The following UHRF2 variants were observed in gnomAD, a reference collection of about 807,000 sequenced individuals.
The protein encoded by UHRF2 is ubiquitin like with PHD and ring finger domains 2, also known as E3 ubiquitin-protein ligase UHRF2.
UHRF2 carries 23 observed loss-of-function variants against 96.8 expected under a neutral mutation model. That is an observed-to-expected ratio of 0.24 (90% CI 0.17 to 0.34). The LOEUF (loss-of-function observed/expected upper bound fraction) is 0.34. Among genes scored for constraint, UHRF2 ranks in the 10% least tolerant of loss-of-function variants. UHRF2 has a pLI of 1.00. For missense variants in UHRF2, 685 were observed against 981.5 expected, an observed-to-expected ratio of 0.70 and a Z score of 4.04; for synonymous variants, 385 against 332.6, an observed-to-expected ratio of 1.16 and a Z score of -1.72.
At chr9:6,476,066 T>C (rs977257919) in intron 5 of UHRF2, among the ~76,000 whole-genome samples, 2 of 152,180 alleles carry the variant, frequency 1.3e-5, no homozygotes, top group African/African-American at 4.8e-5. Context: ...ATAACCATCA[T>C]CATTCTATTC....
chr9:6,487,361 G>A (rs1824364215), intron 9 of UHRF2, among the ~76,000 whole-genome samples: 1 of 151,218 alleles, frequency 6.6e-6, no homozygotes, highest in South Asian at 2.1e-4. Flanking sequence ...GCTAATTTTT[G>A]TATTTTTATG....
intron 4 of UHRF2, among the ~76,000 whole-genome samples, chr9:6,467,595 GTTTTTTTTTTTT>G (rs34366483): frequency 1.0e-5 from 1 of 99,170 alleles, no homozygotes; most frequent in African/African-American, 4.2e-5. Context: ...CGAGAGAATA[GTTTTTTTTTTTT>G]TTTTTTTTTT....
At chr9:6,493,358 T>C (rs897995942) in intron 9 of UHRF2, among the ~76,000 whole-genome samples, 1 of 152,192 alleles carries the variant, frequency 6.6e-6, no homozygotes, top group Non-Finnish European at 1.5e-5. Flanking sequence ...TTATTTATTG[T>C]CAATGCCAGA....
At chr9:6,505,957 A>G (rs1816558148) in intron 15 of UHRF2, 76 bp from the exon 16 acceptor site, 5 of 1,510,482 alleles carry the variant, frequency 3.3e-6, no homozygotes, top group South Asian at 1.2e-5. Flanking sequence ...TCTGGTTCCT[A>G]TTTAAAAGCA....
chr9:6,502,488 A>G (rs1027094159), intron 14 of UHRF2, among the ~76,000 whole-genome samples: 6 of 152,192 alleles, frequency 3.9e-5, no homozygotes, highest in Non-Finnish European at 7.4e-5. Flanking sequence ...TGGGGTTACT[A>G]TGTTGCCCAG....
chr9:6,455,440 C>T (rs909946140), intron 3 of UHRF2, among the ~76,000 whole-genome samples: 2 of 152,266 alleles, frequency 1.3e-5, no homozygotes, highest in Non-Finnish European at 2.9e-5. Context: ...TTTCCAGCTT[C>T]ATCCCTGTCC....
At chr9:6,421,503 G>A (rs1563741078) in intron 2 of UHRF2, among the ~76,000 whole-genome samples, 1 of 152,130 alleles carries the variant, frequency 6.6e-6, no homozygotes, top group African/African-American at 2.4e-5. Flanking sequence ...TATGACCTCT[G>A]CCTCCCAGGT....
chr9:6,469,839 A>G (rs1452191606), intron 4 of UHRF2, among the ~76,000 whole-genome samples: 1 of 151,702 alleles, frequency 6.6e-6, no homozygotes, highest in Non-Finnish European at 1.5e-5. Flanking sequence ...AAGAGAGTAG[A>G]GTGAAAACAG....
At chr9:6,469,406 T>C (rs1459218835) in intron 4 of UHRF2, among the ~76,000 whole-genome samples, 2 of 151,808 alleles carry the variant, frequency 1.3e-5, no homozygotes, top group Non-Finnish European at 2.9e-5. Flanking sequence ...TAGTCCCAGC[T>C]ACTCGGGAGG....
chr9:6,454,694 A>C (rs1822075548), intron 3 of UHRF2, among the ~76,000 whole-genome samples: 1 of 152,280 alleles, frequency 6.6e-6, no homozygotes, highest in African/African-American at 2.4e-5. Context: ...AGCTCCTTCT[A>C]ACTTCAGGCC....
chr9:6,434,618 T>C (rs544419381), intron 3 of UHRF2, among the ~76,000 whole-genome samples: 1 of 152,166 alleles, frequency 6.6e-6, no homozygotes, highest in East Asian at 1.9e-4. Context: ...CTTGTATTTT[T>C]AGTAGAGATG....
intron 8 of UHRF2, among the ~76,000 whole-genome samples, chr9:6,482,719 C>G (rs911603552): frequency 1.3e-5 from 2 of 151,914 alleles, no homozygotes; most frequent in Admixed American, 6.5e-5. Context: ...GCCTCAGCCT[C>G]CAAAGTAGCT....
At chr9:6,480,650 C>T (rs1233469151) in intron 6 of UHRF2, among the ~76,000 whole-genome samples, 1 of 152,142 alleles carries the variant, frequency 6.6e-6, no homozygotes, top group East Asian at 1.9e-4. Flanking sequence ...ATCACAGAAT[C>T]TTTAATACAG....
intron 3 of UHRF2, among the ~76,000 whole-genome samples, chr9:6,441,266 C>T (rs1396765530): frequency 1.3e-5 from 2 of 151,696 alleles, no homozygotes; most frequent in Admixed American, 6.6e-5. Flanking sequence ...CCCAGCTACT[C>T]GGGAGGCTGA....
At chr9:6,470,088 C>A (rs1563783419) in intron 4 of UHRF2, among the ~76,000 whole-genome samples, 1 of 152,044 alleles carries the variant, frequency 6.6e-6, no homozygotes, top group Non-Finnish European at 1.5e-5. Flanking sequence ...AAAACATTCC[C>A]AGCTGGGCGT....
intron 4 of UHRF2, among the ~76,000 whole-genome samples, chr9:6,469,657 GGTGT>G (rs34918540): frequency 6.1e-5 from 9 of 148,072 alleles, no homozygotes; most frequent in Middle Eastern, 3.5e-3. Flanking sequence ...CTTGATGAAA[GGTGT>G]GTGTGTGTGT....
At chr9:6,440,680 C>T (rs1003045383) in intron 3 of UHRF2, among the ~76,000 whole-genome samples, 2 of 152,194 alleles carry the variant, frequency 1.3e-5, no homozygotes, top group Non-Finnish European at 2.9e-5. Context: ...TATCTGTACT[C>T]ATCATTTGGC....
At chr9:6,492,832 C>CTTTTTTTTTTTTTTTTTTTTTTTT (rs34371545) in intron 9 of UHRF2, 2 of 89,534 alleles carry the variant, frequency 2.2e-5, no homozygotes, top group Non-Finnish European at 4.4e-5. Flanking sequence ...GAGCTTTTGG[C>CTTTTTTTTTTTTTTTTTTTTTTTT]TTTTTTTTTT....
intron 4 of UHRF2, among the ~76,000 whole-genome samples, chr9:6,464,296 T>G (rs1014204067): frequency 6.6e-5 from 10 of 152,234 alleles, no homozygotes; most frequent in African/African-American, 2.4e-4. Flanking sequence ...AAATAATGTG[T>G]CTGATTCATT....
Sources: allele counts gnomAD v4.1 joint callset (sites outside exome capture counted in the v4.1 genomes callset), GRCh38; gene constraint gnomAD v4.1.1; transcripts MANE v1.5; gene names NCBI Gene and HGNC (gene_info 2026-07-23, HGNC 2026-07-21).